TPD52: variants seen among roughly 807,000 people sequenced by gnomAD.
The protein encoded by TPD52 is prostate and colon associated protein.
In TPD52, 17 loss-of-function variants were observed where a neutral mutation model predicts 31.3. The ratio of observed to expected loss-of-function variants is 0.54; its 90% CI spans 0.37 to 0.82. TPD52 has a LOEUF of 0.82. Ranked by LOEUF, TPD52 falls within the 40% of genes least tolerant of loss-of-function variation. The pLI is 0.00. For synonymous variants in TPD52, 83 were observed against 89.6 expected, an observed-to-expected ratio of 0.93 and a Z score of 0.42; for missense variants, 212 against 240.1, an observed-to-expected ratio of 0.88 and a Z score of 0.77.
In TPD52 at chr8:80,034,923, T is replaced by C. The variant is rs1809802187; in HGVS notation, c.*3193A>G. On this transcript the variant is annotated 3_prime_UTR_variant, in exon 8 of 8. Coordinates refer to ENST00000518937, the MANE Select transcript of TPD52 (RefSeq NM_001025253.3). ...ACAAAATCCTGGCAGGCAAAAGCAC[T>C]TGCAGACCCGACTCTCTGAGAACTT... The C allele has an allele frequency of 6.6e-6, 1 of 152,080 alleles. No individual in the cohort carries two copies. The highest frequency in any genetic ancestry group is 2.4e-5 in the African/African-American group (1 of 41,342). 9.4% of individuals were successfully genotyped at this position (152,080 alleles called of 1,614,324 possible). A position where few individuals can be genotyped will look rare whatever the true frequency, so the allele number is the denominator to read the frequency against.
chr8:80,081,583 A>G (rs958634702), intron 1 of TPD52, among the ~76,000 whole-genome samples: 1 of 152,244 alleles, frequency 6.6e-6, no homozygotes, highest in African/African-American at 2.4e-5. Context: ...ATCTAAAAAA[A>G]AAGAGCTCAG....
intron 2 of TPD52, among the ~76,000 whole-genome samples, chr8:80,062,047 T>C (rs1040819538): frequency 6.6e-6 from 1 of 152,180 alleles, no homozygotes; most frequent in African/African-American, 2.4e-5. Context: ...GCCAACAGCA[T>C]TTTTGTGTGG....
intron 1 of TPD52, among the ~76,000 whole-genome samples, chr8:80,121,506 A>G (rs1808256463): frequency 6.6e-6 from 1 of 152,218 alleles, no homozygotes; most frequent in South Asian, 2.1e-4. Flanking sequence ...CCCCATGAAT[A>G]CCGTACAGCA....
At chr8:80,093,890 G>A (rs112044774) in intron 1 of TPD52, among the ~76,000 whole-genome samples, 5 of 152,180 alleles carry the variant, frequency 3.3e-5, no homozygotes, top group African/African-American at 1.2e-4. Context: ...AATGCTACAT[G>A]TAAACTCAAT....
At chr8:80,137,145 T>A (rs12678235) in intron 1 of TPD52, among the ~76,000 whole-genome samples, 57,032 of 152,082 alleles carry the variant, frequency 0.38, 11,526 homozygotes, top group East Asian at 0.71. Flanking sequence ...CAGGTTGCTA[T>A]TAAAAAGAGT....
intron 1 of TPD52, among the ~76,000 whole-genome samples, chr8:80,131,146 TAG>T (rs1808989917): frequency 6.6e-6 from 1 of 151,824 alleles, no homozygotes; most frequent in African/African-American, 2.4e-5. Context: ...GTGGTCAGAA[TAG>T]AGAGGAGAGC....
intron 1 of TPD52, among the ~76,000 whole-genome samples, chr8:80,108,342 TTA>T (rs961650297): frequency 2.6e-5 from 4 of 152,186 alleles, no homozygotes; most frequent in African/African-American, 4.8e-5. Context: ...CTTTTTGAAA[TTA>T]TGTTTTATAA....
At chr8:80,114,758 T>A (rs543877882) in intron 1 of TPD52, among the ~76,000 whole-genome samples, 1 of 152,322 alleles carries the variant, frequency 6.6e-6, no homozygotes, top group African/African-American at 2.4e-5. Flanking sequence ...TATACCACAA[T>A]ATCTTTATCT....
chr8:80,140,776 C>T (rs953271823), intron 1 of TPD52, among the ~76,000 whole-genome samples: 23 of 152,172 alleles, frequency 1.5e-4, no homozygotes, highest in African/African-American at 5.6e-4. Flanking sequence ...AACTATTGCA[C>T]CAGCTTCTAC....
chr8:80,081,714 GA>G (rs1237159737), intron 1 of TPD52, among the ~76,000 whole-genome samples: 1 of 119,094 alleles, frequency 8.4e-6, no homozygotes, highest in Non-Finnish European at 1.8e-5. Flanking sequence ...TTCATCTTGT[GA>G]TTTTTTTTTT....
intron 1 of TPD52, among the ~76,000 whole-genome samples, chr8:80,147,574 T>C (rs1007416652): frequency 1.9e-4 from 29 of 152,154 alleles, no homozygotes; most frequent in African/African-American, 7.0e-4. Context: ...ATTTGCATAG[T>C]CTTTTGCTGT....
chr8:80,086,147 C>G (rs1815745496), intron 1 of TPD52, among the ~76,000 whole-genome samples: 1 of 109,650 alleles, frequency 9.1e-6, no homozygotes, highest in Admixed American at 1.3e-4. Flanking sequence ...GAGACGGACT[C>G]TCACTCTGTT....
intron 1 of TPD52, among the ~76,000 whole-genome samples, chr8:80,082,071 G>T (rs1815350031): frequency 6.6e-6 from 1 of 150,778 alleles, no homozygotes; most frequent in African/African-American, 2.4e-5. Context: ...GCCTCCCAAA[G>T]TTCTCGGATT....
chr8:80,117,492 C>G (rs964559468), intron 1 of TPD52, among the ~76,000 whole-genome samples: 16 of 152,028 alleles, frequency 1.1e-4, no homozygotes, highest in African/African-American at 3.9e-4. Context: ...AATGGCAAGT[C>G]TAAAAAAATG....
intron 1 of TPD52, among the ~76,000 whole-genome samples, chr8:80,149,314 C>A (rs1810417349): frequency 1.3e-5 from 2 of 152,198 alleles, no homozygotes; most frequent in Non-Finnish European, 2.9e-5. Context: ...GCTCTCCTTG[C>A]CTGTTGCCAT....
At chr8:80,109,178 AC>A (rs1182461482) in intron 1 of TPD52, among the ~76,000 whole-genome samples, 4 of 152,204 alleles carry the variant, frequency 2.6e-5, no homozygotes, top group Admixed American at 6.5e-5. Flanking sequence ...AGAAGAATTC[AC>A]CCAAATATAT....
intron 1 of TPD52, among the ~76,000 whole-genome samples, chr8:80,115,589 C>A (rs923581255): frequency 6.6e-6 from 1 of 152,228 alleles, no homozygotes; most frequent in Non-Finnish European, 1.5e-5. Flanking sequence ...GATTTTCAAT[C>A]AAGCTCCCTG....
At chr8:80,096,319 A>ACACAC (rs1563622982) in intron 1 of TPD52, among the ~76,000 whole-genome samples, 3 of 139,242 alleles carry the variant, frequency 2.2e-5, no homozygotes, top group African/African-American at 8.2e-5. Context: ...CACACACACA[A>ACACAC]ACTTCTCCTA....
intron 1 of TPD52, among the ~76,000 whole-genome samples, chr8:80,107,041 C>A (rs944649097): frequency 6.6e-6 from 1 of 151,718 alleles, no homozygotes; most frequent in Non-Finnish European, 1.5e-5. Flanking sequence ...TTAGTAGATA[C>A]GGGGTTTCAC....
Sources: gnomAD v4.1 joint callset for allele counts (sites outside exome capture counted in the v4.1 genomes callset) on GRCh38, gnomAD v4.1.1 for gene constraint, MANE v1.5 for transcripts, NCBI Gene and HGNC (gene_info 2026-07-23, HGNC 2026-07-21) for gene names.